Variants in ANKS1B observed in about 807,000 individuals in gnomAD.
ANKS1B encodes ankyrin repeat and sterile alpha motif domain-containing protein 1B.
ANKS1B carries 36 observed loss-of-function variants against 148.3 expected under a neutral mutation model. That is an observed-to-expected ratio of 0.24 (90% CI 0.19 to 0.32). ANKS1B has a LOEUF of 0.32. ANKS1B is among the 10% of genes least tolerant of loss of function. The probability of loss-of-function intolerance (pLI) is 1.00; values close to 1 mark genes in which losing one functional copy is unlikely to be tolerated. For synonymous variants in ANKS1B, 542 were observed against 560.8 expected, an observed-to-expected ratio of 0.97 and a Z score of 0.47; for missense variants, 1,157 against 1,542.6, an observed-to-expected ratio of 0.75 and a Z score of 4.19.
chr12:98,824,411 A>G (rs904078427), intron 19 of ANKS1B, among the ~76,000 whole-genome samples: 2 of 152,224 alleles, frequency 1.3e-5, no homozygotes, highest in Non-Finnish European at 2.9e-5. Flanking sequence ...TCTCTTTGTC[A>G]TTAATTGGCC....
Position 99,432,673 on chromosome 12 carries a change from T to C in ANKS1B, c.1575+11000A>G, listed in dbSNP as rs73373927. On this transcript the variant is annotated intron_variant, in intron 11 of 26. Coordinates refer to ENST00000683438, the MANE Select transcript of ANKS1B (RefSeq NM_001352186.2). ...AAAGTGGTAGCTACTTTATATTCAA[T>C]GGTCAAAAAGGGCATCTCTCATAAG... Among the ~76,000 whole-genome samples, 588 of 152,224 alleles carry C rather than the reference T, an allele frequency of 3.9e-3. 4 individuals carry two copies. Among genetic ancestry groups the C allele is most frequent in the African/African-American group, 0.013 (559 of 41,536 alleles).
At chr12:99,435,594 T>C (rs1282639975) in intron 11 of ANKS1B, among the ~76,000 whole-genome samples, 1 of 152,052 alleles carries the variant, frequency 6.6e-6, no homozygotes, top group East Asian at 1.9e-4. Context: ...TGGCACCTTT[T>C]ATCTGGTTTG....
At chr12:99,961,212 G>C (rs1039056458) in intron 1 of ANKS1B, among the ~76,000 whole-genome samples, 6 of 151,368 alleles carry the variant, frequency 4.0e-5, no homozygotes, top group African/African-American at 1.2e-4. Flanking sequence ...CTGGGCAGCA[G>C]AGTGAGACTC....
intron 11 of ANKS1B, among the ~76,000 whole-genome samples, chr12:99,436,971 T>C (rs1255727929): frequency 6.6e-6 from 1 of 152,078 alleles, no homozygotes; most frequent in Non-Finnish European, 1.5e-5. Flanking sequence ...TTCATTCTAT[T>C]GAATTCCATT....
chr12:99,655,613 C>A (rs999586574), intron 8 of ANKS1B, among the ~76,000 whole-genome samples: 2 of 152,022 alleles, frequency 1.3e-5, no homozygotes, highest in African/African-American at 4.8e-5. Flanking sequence ...CCTGATAAAC[C>A]AGTTTGTTCA....
intron 8 of ANKS1B, among the ~76,000 whole-genome samples, chr12:99,688,819 T>TGACA (rs1190264332): frequency 6.4e-4 from 97 of 151,822 alleles, no homozygotes; most frequent in African/African-American, 2.1e-3. Flanking sequence ...CCAGCCTGGG[T>TGACA]GACAGACTGA....
chr12:98,997,901 G>C (rs944912228), intron 17 of ANKS1B, among the ~76,000 whole-genome samples: 1 of 152,110 alleles, frequency 6.6e-6, no homozygotes, highest in African/African-American at 2.4e-5. Context: ...GTTCTTTAGA[G>C]CTTGCATTTA....
chr12:98,927,751 G>A (rs1256491915), intron 17 of ANKS1B, among the ~76,000 whole-genome samples: 1 of 150,746 alleles, frequency 6.6e-6, no homozygotes, highest in Non-Finnish European at 1.5e-5. Context: ...AATCTCTAAG[G>A]CAACCACTAA....
rs1285449883 is a variant in ANKS1B, at chr12:98,892,938, C to A, written c.2779-60802G>T. 2.0e-5 allele frequency among the ~76,000 whole-genome samples: 3 copies of A among 152,274 alleles called. No homozygotes were observed. In the South Asian group the frequency reaches 6.2e-4, roughly 32 times the overall value. ...ACTCAAGGTGCCAAACTGCACCAAG[C>A]AAAGTAACTCCAATGCAGTAACATT... On this transcript the variant is annotated intron_variant, in intron 17 of 26. Coordinates refer to ENST00000683438, the MANE Select transcript of ANKS1B (RefSeq NM_001352186.2).
At chr12:99,520,523 C>T (rs2096864853) in intron 9 of ANKS1B, among the ~76,000 whole-genome samples, 1 of 152,210 alleles carries the variant, frequency 6.6e-6, no homozygotes, top group African/African-American at 2.4e-5. Context: ...ACCTTTGGGA[C>T]TTTGATTATT....
chr12:99,368,660 T>G (rs1029420152), intron 12 of ANKS1B, among the ~76,000 whole-genome samples: 1 of 152,038 alleles, frequency 6.6e-6, no homozygotes, highest in African/African-American at 2.4e-5. Context: ...TCATTTATTG[T>G]AAAACACTGA....
intron 17 of ANKS1B, among the ~76,000 whole-genome samples, chr12:98,978,606 T>C (rs891531783): frequency 7.2e-5 from 11 of 152,208 alleles, no homozygotes; most frequent in Admixed American, 1.3e-4. Flanking sequence ...GTATACTGTC[T>C]ATGCACTCTT....
chr12:99,325,615 A>G (rs932428249), intron 12 of ANKS1B, among the ~76,000 whole-genome samples: 1 of 152,182 alleles, frequency 6.6e-6, no homozygotes, highest in Admixed American at 6.6e-5. Context: ...AAAGCTGAAC[A>G]AACTATACAC....
intron 17 of ANKS1B, among the ~76,000 whole-genome samples, chr12:98,968,228 CA>C (rs1163595401): frequency 5.9e-5 from 9 of 152,138 alleles, no homozygotes; most frequent in African/African-American, 1.7e-4. Context: ...AAAACAACAA[CA>C]AAAAACCCCA....
chr12:99,622,529 C>T (rs1181008790), intron 9 of ANKS1B, among the ~76,000 whole-genome samples: 1 of 151,652 alleles, frequency 6.6e-6, no homozygotes, highest in African/African-American at 2.4e-5. Context: ...GAGAAGAACA[C>T]AATGAGAAAT....
chr12:99,450,218 T>C (rs976283802), intron 10 of ANKS1B, among the ~76,000 whole-genome samples: 15 of 152,162 alleles, frequency 9.9e-5, no homozygotes, highest in Non-Finnish European at 1.8e-4. Flanking sequence ...GAAATTCCCC[T>C]TTACTCGGCC....
At chr12:99,750,318 T>C (rs1385249575) in intron 8 of ANKS1B, among the ~76,000 whole-genome samples, 3 of 152,016 alleles carry the variant, frequency 2.0e-5, no homozygotes, top group Admixed American at 6.6e-5. Context: ...AAAGTAAAAC[T>C]TGAAATTGCA....
At chr12:99,036,649 A>T (rs968265307) in intron 17 of ANKS1B, among the ~76,000 whole-genome samples, 1 of 152,256 alleles carries the variant, frequency 6.6e-6, no homozygotes, top group Non-Finnish European at 1.5e-5. Context: ...TAGGGAGAGG[A>T]TAATTTGATA....
At position 99,576,897 on chromosome 12, in the gene ANKS1B, A is replaced by G. The variant is rs76439845; in HGVS notation, c.1273-72256T>C. Among the ~76,000 whole-genome samples, 140 of 151,564 alleles carry G rather than the reference A, an allele frequency of 9.2e-4. No homozygotes were observed. The East Asian group carries it at 0.026, about 28-fold the overall frequency. ...ATAGTACCCAATACTTAGTTTTTCA[A>G]CTCTCACTCCCCTCACTATCTCTTC... On this transcript the variant is annotated intron_variant, in intron 9 of 26. Coordinates refer to ENST00000683438, the MANE Select transcript of ANKS1B (RefSeq NM_001352186.2).
Sources: allele counts gnomAD v4.1 joint callset (sites outside exome capture counted in the v4.1 genomes callset), GRCh38; gene constraint gnomAD v4.1.1; transcripts MANE v1.5; gene names NCBI Gene and HGNC (gene_info 2026-07-23, HGNC 2026-07-21).